SENP2: variants seen among roughly 807,000 people sequenced by gnomAD.
SENP2 encodes sentrin-specific protease 2.
Under a neutral mutation model 86.3 loss-of-function variants are expected in SENP2, and 16 were observed. That is an observed-to-expected ratio of 0.19 (90% CI 0.13 to 0.28). The LOEUF is 0.28. SENP2 is among the 10% of genes least tolerant of loss of function. SENP2 has a pLI of 1.00. For missense variants in SENP2, 552 were observed against 703.0 expected (o/e 0.79, Z 2.43); for synonymous variants, 222 against 238.7 (o/e 0.93, Z 0.64).
intron 2 of SENP2, among the ~76,000 whole-genome samples, chr3:185,593,750 CG>C (rs1722084398): frequency 7.3e-6 from 1 of 136,350 alleles, no homozygotes; most frequent in Non-Finnish European, 1.5e-5. Flanking sequence ...TTTTTTGAGA[CG>C]GAGTTTCTTT....
intron 1 of SENP2, among the ~76,000 whole-genome samples, chr3:185,588,127 G>A (rs1331609744): frequency 3.9e-5 from 5 of 129,002 alleles, no homozygotes; most frequent in Middle Eastern, 5.7e-3. Context: ...GCGCGATCTC[G>A]GCTCACTGCA....
In SENP2 at chr3:185,586,994, G is replaced by C. The variant is rs955648442; in HGVS notation, c.101+480G>C. On this transcript the variant is annotated intron_variant, in intron 1 of 16. Coordinates refer to ENST00000296257, the MANE Select transcript of SENP2 (RefSeq NM_021627.3). This position sits in a 1 kb window ranked among gnomAD's most constrained non-coding sequence, Gnocchi z 4.3. The stretch of plus-strand genomic sequence containing the variant: ...AGCTGTCAAACAGTCTGTGTGTTTG[G>C]GGCCAGAAGGGTTTTGTGCTTTAGA... 1.3e-5 allele frequency among the ~76,000 whole-genome samples: 2 copies of C among 152,160 alleles called. No homozygotes were observed. The highest frequency in any genetic ancestry group is 4.8e-5 in the African/African-American group (2 of 41,426).
At chr3:185,605,346 G>A (rs887778613) in intron 5 of SENP2, among the ~76,000 whole-genome samples, 10 of 151,754 alleles carry the variant, frequency 6.6e-5, no homozygotes, top group African/African-American at 2.2e-4. Context: ...ACTCCTGCCT[G>A]GAGGACAAGA....
At chr3:185,590,022 G>C in intron 1 of SENP2, 92 bp from the exon 2 acceptor site, 1 of 633,054 alleles carries the variant, frequency 1.6e-6, no homozygotes, top group South Asian at 2.4e-5. Flanking sequence ...AGTGATAGAA[G>C]GGGGATGTGT....
At chr3:185,616,770 G>A (rs1240309923) in intron 11 of SENP2, among the ~76,000 whole-genome samples, 7 of 98,050 alleles carry the variant, frequency 7.1e-5, no homozygotes, top group African/African-American at 1.6e-4. Flanking sequence ...GCGAGACTCC[G>A]TCTCCAAAAA....
At position 185,619,934 on chromosome 3, in the gene SENP2, A is replaced by G. The variant is rs573361656; in HGVS notation, c.1446+432A>G. Reference sequence around the variant, plus strand: ...ATATTTGGAAAGATGGAGTCTTGCTATGTTGCCCTGGTTGGTATCCAACGC... The same window carrying G: ...ATATTTGGAAAGATGGAGTCTTGCTGTGTTGCCCTGGTTGGTATCCAACGC... On this transcript the variant is annotated intron_variant, in intron 13 of 16. Transcript: ENST00000296257. Among the ~76,000 whole-genome samples, 4 of 151,446 alleles carry G rather than the reference A, an allele frequency of 2.6e-5. No homozygotes were observed. The South Asian group carries it at 8.3e-4, about 32-fold the overall frequency.
At chr3:185,603,761 C>T (rs1254223469) in intron 5 of SENP2, among the ~76,000 whole-genome samples, 1 of 152,138 alleles carries the variant, frequency 6.6e-6, no homozygotes, top group Non-Finnish European at 1.5e-5. Context: ...ATGCTGTTTC[C>T]CTGTAAGCAC....
At chr3:185,606,578 G>C in intron 6 of SENP2, 80 bp downstream of exon 6, 1 of 1,226,098 alleles carries the variant, frequency 8.2e-7, no homozygotes, top group East Asian at 2.5e-5. Flanking sequence ...ACTCAGAATG[G>C]TTCAACGTTT....
intron 11 of SENP2, among the ~76,000 whole-genome samples, chr3:185,615,490 C>A (rs1361997374): frequency 6.6e-6 from 1 of 152,068 alleles, no homozygotes; most frequent in African/African-American, 2.4e-5. Context: ...ATTACAGGCA[C>A]CTGCCACCAT....
intron 15 of SENP2, among the ~76,000 whole-genome samples, chr3:185,624,586 A>G (rs1712051676): frequency 6.6e-6 from 1 of 152,058 alleles, no homozygotes. Flanking sequence ...TCTAAACTGA[A>G]AAGTTTGGGC....
At chr3:185,593,462 T>A (rs1464456414) in intron 2 of SENP2, among the ~76,000 whole-genome samples, 1 of 152,176 alleles carries the variant, frequency 6.6e-6, no homozygotes, top group Non-Finnish European at 1.5e-5. Flanking sequence ...TAGAACAGTA[T>A]TTCCCAAAGC....
intron 5 of SENP2, among the ~76,000 whole-genome samples, chr3:185,602,305 A>G (rs1322052337): frequency 1.3e-5 from 2 of 152,182 alleles, no homozygotes; most frequent in Non-Finnish European, 2.9e-5. Context: ...GCTAGGAAAG[A>G]AAGTATAAAG....
At chr3:185,591,617 C>G (rs1414058556) in intron 2 of SENP2, among the ~76,000 whole-genome samples, 1 of 152,182 alleles carries the variant, frequency 6.6e-6, no homozygotes. Context: ...TCCCAAAGTG[C>G]TGGGATTACA....
In SENP2 at chr3:185,632,607, C is replaced by A. The variant is rs1030388682; in HGVS notation, c.*2763C>A. The A allele has an allele frequency of 2.6e-5, 4 of 152,552 alleles. No individual in the cohort carries two copies. The highest frequency in any genetic ancestry group is 4.4e-5 in the Non-Finnish European group (3 of 68,518). 9.4% of individuals were successfully genotyped at this position (152,552 alleles called of 1,614,324 possible). ...TGGCGCTATCTCAGCTCACTGCAACCCCCACCTCCCAGGTTCAAGCGATTC... is the reference window on the plus strand; with the variant it reads ...TGGCGCTATCTCAGCTCACTGCAACACCCACCTCCCAGGTTCAAGCGATTC... On this transcript the variant is annotated 3_prime_UTR_variant, in exon 17 of 17. Transcript: ENST00000296257.
At position 185,617,552 on chromosome 3, in the gene SENP2, T is replaced by C. The variant is rs562942560; in HGVS notation, c.1183T>C (p.Leu395=). ...TGAAATCCTAAGTAGTGCTTTCAAATTGCGAATTACTCGAGGAGATATTCA... is the reference window on the plus strand; with the variant it reads ...TGAAATCCTAAGTAGTGCTTTCAAACTGCGAATTACTCGAGGAGATATTCA... ...QDEILSSAFK[L]RITRGDIQTL... is the part of the protein sequence containing the mutation. Residue 395 remains leucine, a synonymous_variant, in exon 12 of 17, where the codon TTG becomes CTG. Coordinates refer to ENST00000296257, the MANE Select transcript of SENP2 (RefSeq NM_021627.3). 6.2e-7 allele frequency: 1 copy of C among 1,613,844 alleles called. No homozygotes were observed. Among genetic ancestry groups the C allele is most frequent in the African/African-American group, 1.3e-5 (1 of 75,028 alleles).
At chr3:185,597,297 A>G (rs9758141) in intron 2 of SENP2, among the ~76,000 whole-genome samples, 1 of 152,012 alleles carries the variant, frequency 6.6e-6, no homozygotes, top group South Asian at 2.1e-4. Flanking sequence ...TTTAAAAAAC[A>G]CAATTACAAT....
intron 16 of SENP2, among the ~76,000 whole-genome samples, chr3:185,629,036 C>G (rs1008155296): frequency 6.6e-6 from 1 of 152,132 alleles, no homozygotes; most frequent in Non-Finnish European, 1.5e-5. Context: ...GCTGTTTGAA[C>G]AGAATTGGCA....
At chr3:185,614,431 A>C (rs1711524883) in intron 10 of SENP2, 133 bp from the exon 11 acceptor site, 1 of 880,008 alleles carries the variant, frequency 1.1e-6, no homozygotes, top group Admixed American at 3.0e-5. Flanking sequence ...GATAGGGTAA[A>C]TCTACTCACT....
Position 185,599,011 on chromosome 3 carries a change from C to T in SENP2, c.345C>T (p.Asn115=), listed in dbSNP as rs745929159. Residue 115 remains asparagine, a synonymous_variant, in exon 4 of 17, where the codon AAC becomes AAT. Transcript: ENST00000296257. ...TGACAGGTTCTGGATCCTGGAACAA[C>T]ATGCTGAAACTGGGTGAGGTGGTCA... is the stretch of plus-strand genomic sequence containing the variant. The part of the protein sequence containing the change: ...CELTGSGSWN[N]MLKLGNKSPN... 2.5e-6 allele frequency: 4 copies of T among 1,612,282 alleles called. No individual in the cohort carries two copies. Among genetic ancestry groups the T allele is most frequent in the Admixed American group, 1.7e-5 (1 of 59,594 alleles).
Sources: gnomAD v4.1 joint callset for allele counts (sites outside exome capture counted in the v4.1 genomes callset) on GRCh38, gnomAD v4.1.1 for gene constraint, Gnocchi (gnomAD v3.1) non-coding constraint, MANE v1.5 for transcripts, NCBI Gene and HGNC (gene_info 2026-07-23, HGNC 2026-07-21) for gene names.